Variants in USH2A observed in about 807,000 individuals in gnomAD.
USH2A encodes Usher syndrome 2A (autosomal recessive, mild).
A neutral mutation model predicts 538.9 loss-of-function variants in USH2A; 443 were observed. The ratio of observed to expected loss-of-function variants is 0.82; its 90% CI spans 0.76 to 0.89. The LOEUF is 0.89. Among genes scored for constraint, USH2A ranks in the 40% least tolerant of loss-of-function variants. USH2A has a pLI of 0.00. For missense variants in USH2A, 6,633 were observed against 6,324.8 expected, an observed-to-expected ratio of 1.05 and a Z score of -1.65; for synonymous variants, 2,413 against 2,273.5, an observed-to-expected ratio of 1.06 and a Z score of -1.75.
At chr1:216,310,557 A>C (rs1442765969) in intron 9 of USH2A, among the ~76,000 whole-genome samples, 1 of 152,014 alleles carries the variant, frequency 6.6e-6, no homozygotes, top group South Asian at 2.1e-4. Context: ...CCTCGACCAT[A>C]TATTTTCAAA....
At position 216,175,260 on chromosome 1, in the gene USH2A, T is replaced by C; in HGVS notation, c.4619A>G (p.Asp1540Gly). The change falls in exon 21 of 72, where the codon GAC (aspartate) becomes GGC (glycine). Residue 1540 changes from aspartate (D) to glycine (G), a missense_variant. Coordinates refer to ENST00000307340, the MANE Select transcript of USH2A (RefSeq NM_206933.4). ...FPSSTHPVNT[D>G]FTGIKASFRT... ...ATGTCAAACACACTTACCAGTGAAG[T>C]CTGTATTGACTGGGTGAGTGGAGCT... The C allele has an allele frequency of 6.2e-7, 1 of 1,613,678 alleles. No individual in the cohort carries two copies. The highest frequency in any genetic ancestry group is 1.1e-5 in the South Asian group (1 of 91,080).
chr1:215,743,127 T>A, intron 59 of USH2A, 50 bp downstream of exon 59: 1 of 1,593,142 alleles, frequency 6.3e-7, no homozygotes, highest in South Asian at 1.1e-5. Context: ...AATTTTTTAA[T>A]GAAATACTTT....
intron 69 of USH2A, among the ~76,000 whole-genome samples, chr1:215,637,019 G>A (rs1656515362): frequency 6.6e-6 from 1 of 151,944 alleles, no homozygotes; most frequent in South Asian, 2.1e-4. Flanking sequence ...TCTTTTTGAA[G>A]TACCCCTTCA....
At chr1:215,847,308 G>A (rs1663877162) in intron 44 of USH2A, among the ~76,000 whole-genome samples, 1 of 152,118 alleles carries the variant, frequency 6.6e-6, no homozygotes, top group Non-Finnish European at 1.5e-5. Context: ...TAGGATGGGG[G>A]TGGAGTGTTG....
intron 15 of USH2A, 91 bp downstream of exon 15, chr1:216,217,296 G>T (rs2035361342): frequency 1.3e-6 from 2 of 1,535,118 alleles, no homozygotes; most frequent in Non-Finnish European, 1.8e-6. Context: ...AAGCCTTTCT[G>T]ATGGGTTCTA....
intron 62 of USH2A, among the ~76,000 whole-genome samples, chr1:215,678,041 T>C (rs990507038): frequency 2.0e-5 from 3 of 152,182 alleles, no homozygotes; most frequent in Non-Finnish European, 2.9e-5. Flanking sequence ...ACACATTTTG[T>C]CATCTCTATC....
intron 13 of USH2A, among the ~76,000 whole-genome samples, chr1:216,242,596 T>C (rs1195349047): frequency 6.6e-6 from 1 of 151,848 alleles, no homozygotes; most frequent in Non-Finnish European, 1.5e-5. Flanking sequence ...AAGAAACAGG[T>C]TGATAATTTC....
chr1:215,645,288 G>A (rs1408890086), intron 67 of USH2A, among the ~76,000 whole-genome samples: 7 of 152,070 alleles, frequency 4.6e-5, no homozygotes, highest in Admixed American at 4.6e-4. Context: ...ATTGATCAGG[G>A]AAAGAGTAGT....
At chr1:216,263,036 G>C (rs1327244666) in intron 11 of USH2A, among the ~76,000 whole-genome samples, 1 of 152,018 alleles carries the variant, frequency 6.6e-6, no homozygotes, top group African/African-American at 2.4e-5. Context: ...AGAAGAAATG[G>C]ATAAATTTGT....
Position 215,741,678 on chromosome 1 carries a change from A to C in USH2A, c.11549-141T>G, listed in dbSNP as rs991153225. ...TATACTTGTACATGTGTTTTAAATA[A>C]ATTTTTATGGGATTTGAACATTTAA... On this transcript the variant is annotated intron_variant, in intron 59 of 71. Coordinates refer to ENST00000307340, the MANE Select transcript of USH2A (RefSeq NM_206933.4). The C allele has an allele frequency of 5.3e-6, 5 of 944,940 alleles. No homozygotes were observed. In the African/African-American group the frequency reaches 6.7e-5, roughly 13 times the overall value. The allele number at this position is 944,940 out of a possible 1,614,324, so 58.5% of individuals were successfully genotyped here.
chr1:215,678,713 G>GACACAC (rs150396890), intron 62 of USH2A, among the ~76,000 whole-genome samples: 6 of 149,716 alleles, frequency 4.0e-5, no homozygotes, highest in African/African-American at 1.5e-4. Flanking sequence ...TATTCACACA[G>GACACAC]ACACACACAC....
chr1:215,853,848 T>G (rs1479531739), intron 44 of USH2A, among the ~76,000 whole-genome samples: 2 of 152,212 alleles, frequency 1.3e-5, no homozygotes, highest in African/African-American at 4.8e-5. Flanking sequence ...CTGGATTTCA[T>G]TGTCCACATC....
At chr1:216,176,836 T>A (rs1002141908) in intron 20 of USH2A, among the ~76,000 whole-genome samples, 7 of 152,182 alleles carry the variant, frequency 4.6e-5, no homozygotes, top group African/African-American at 1.7e-4. Flanking sequence ...CTGAGTAATA[T>A]GCATTTAAGT....
intron 32 of USH2A, among the ~76,000 whole-genome samples, chr1:216,037,401 G>T (rs183580543): frequency 1.2e-4 from 19 of 152,198 alleles, no homozygotes; most frequent in Non-Finnish European, 2.2e-4. Context: ...AATGCCTCAA[G>T]CATCCCCAAA....
At chr1:215,931,886 A>C (rs894780943) in intron 38 of USH2A, among the ~76,000 whole-genome samples, 2 of 151,956 alleles carry the variant, frequency 1.3e-5, no homozygotes, top group Non-Finnish European at 2.9e-5. Flanking sequence ...GCCCTATCTC[A>C]GCCTCTGTTG....
At chr1:216,000,661 A>G (rs1327206787) in intron 32 of USH2A, 99 bp from the exon 33 acceptor site, 2 of 1,438,856 alleles carry the variant, frequency 1.4e-6, no homozygotes, top group African/African-American at 2.8e-5. Flanking sequence ...AATTGTTAAG[A>G]TAAGGCTTAA....
chr1:215,852,469 C>G (rs1039245823), intron 44 of USH2A, among the ~76,000 whole-genome samples: 1 of 152,096 alleles, frequency 6.6e-6, no homozygotes, highest in Non-Finnish European at 1.5e-5. Flanking sequence ...TATCATGCTG[C>G]CCTGGTCCCT....
intron 21 of USH2A, among the ~76,000 whole-genome samples, chr1:216,121,102 T>G (rs2033129581): frequency 6.6e-6 from 1 of 152,196 alleles, no homozygotes; most frequent in Non-Finnish European, 1.5e-5. Context: ...TCTGAATAAG[T>G]AGGAACAAAT....
At chr1:216,141,763 G>C (rs2033607947) in intron 21 of USH2A, among the ~76,000 whole-genome samples, 1 of 151,990 alleles carries the variant, frequency 6.6e-6, no homozygotes, top group Admixed American at 6.6e-5. Context: ...AGTATAACAA[G>C]ATGATTATAT....
Sources: gnomAD v4.1 joint callset for allele counts (sites outside exome capture counted in the v4.1 genomes callset) on GRCh38, gnomAD v4.1.1 for gene constraint, MANE v1.5 for transcripts, NCBI Gene and HGNC (gene_info 2026-07-23, HGNC 2026-07-21) for gene names.